ZBTB20: variants seen among roughly 807,000 people sequenced by gnomAD.
The protein encoded by ZBTB20 is zinc finger and BTB domain containing 20.
In ZBTB20, 9 loss-of-function variants were observed where a neutral mutation model predicts 56.9. The observed-to-expected ratio is 0.16, with a 90% CI of 0.10 to 0.28. ZBTB20 has a LOEUF of 0.28. ZBTB20 is among the 10% of genes least tolerant of loss of function. The pLI is 1.00. For missense variants in ZBTB20, 655 were observed against 1,003.0 expected, an observed-to-expected ratio of 0.65 and a Z score of 4.69; for synonymous variants, 417 against 420.7, an observed-to-expected ratio of 0.99 and a Z score of 0.11.
chr3:114,937,515 G>C (rs1003241125), intron 3 of ZBTB20, among the ~76,000 whole-genome samples: 1 of 151,594 alleles, frequency 6.6e-6, no homozygotes, highest in African/African-American at 2.4e-5. Context: ...TCCGGCTCCC[G>C]CGTTCAAGTG....
rs575179777 is a variant in ZBTB20, at chr3:114,542,497, G to A, written c.-294-42106C>T. ...ACCAAGTGAGTAAACAGCTAAGGCAGGATTATCCTCATTTGGGAGGACTCC... is the reference window on the plus strand; with the variant it reads ...ACCAAGTGAGTAAACAGCTAAGGCAAGATTATCCTCATTTGGGAGGACTCC... On this transcript the variant is annotated intron_variant, in intron 6 of 11. Transcript: ENST00000675478. Among the ~76,000 whole-genome samples the A allele has an allele frequency of 1.6e-4, 25 of 152,282 alleles. No homozygotes were observed. The East Asian group carries it at 4.8e-3, about 29-fold the overall frequency.
rs2079301978 is a variant in ZBTB20, at chr3:115,002,694, C to T, written c.-506-28278G>A. 2.0e-5 allele frequency among the ~76,000 whole-genome samples: 3 copies of T among 151,494 alleles called. No homozygotes were observed. The South Asian group carries it at 6.2e-4, about 31-fold the overall frequency. ...TCAAAATACTGGCAACAACAATTGC[C>T]GTCAAGGATGTGGAGAAATACAAAC... On this transcript the variant is annotated intron_variant, in intron 2 of 11. Coordinates refer to ENST00000675478, the MANE Select transcript of ZBTB20 (RefSeq NM_001348800.3).
chr3:114,992,794 A>G (rs565196483), intron 2 of ZBTB20, among the ~76,000 whole-genome samples: 22 of 151,242 alleles, frequency 1.5e-4, no homozygotes, highest in Middle Eastern at 3.4e-3. Flanking sequence ...GTTCTGGGGG[A>G]AAAAAAAACA....
chr3:114,315,349 G>C lies in ZBTB20; in HGVS notation c.*23656C>G, dbSNP rs904202998. On this transcript the variant is annotated 3_prime_UTR_variant, in exon 12 of 12. Coordinates refer to ENST00000675478, the MANE Select transcript of ZBTB20 (RefSeq NM_001348800.3). ...TTTCCAAACTCTTCCTCAATTCCCA[G>C]GTCTTTGTTCTGAAAAGACAATCTG... The C allele has an allele frequency of 8.6e-5, 13 of 152,038 alleles. No individual in the cohort carries two copies. The highest frequency in any genetic ancestry group is 3.1e-4 in the African/African-American group (13 of 41,442). The allele number at this position is 152,038 out of a possible 1,614,324, so 9.4% of individuals were successfully genotyped here.
intron 2 of ZBTB20, among the ~76,000 whole-genome samples, chr3:114,974,923 TA>T (rs942274455): frequency 2.0e-5 from 3 of 151,664 alleles, no homozygotes; most frequent in African/African-American, 7.3e-5. Flanking sequence ...CCAAAGAAAA[TA>T]AAAAGAAAAT....
chr3:114,421,655 C>T (rs531706009), intron 7 of ZBTB20, among the ~76,000 whole-genome samples: 3 of 152,192 alleles, frequency 2.0e-5, no homozygotes, highest in Non-Finnish European at 2.9e-5. Context: ...TCCATTTTAA[C>T]CCCTCACTAT....
chr3:114,360,355 T>G (rs2081701250), intron 10 of ZBTB20, among the ~76,000 whole-genome samples: 1 of 149,150 alleles, frequency 6.7e-6, no homozygotes, highest in Admixed American at 6.6e-5. Flanking sequence ...TTTTTTTTTT[T>G]TTTTTTGAGA....
chr3:114,863,949 T>C (rs1200597692), intron 4 of ZBTB20, among the ~76,000 whole-genome samples: 2 of 151,986 alleles, frequency 1.3e-5, no homozygotes, highest in Non-Finnish European at 2.9e-5. Context: ...AAAATGAAAC[T>C]GAAACGTATC....
intron 6 of ZBTB20, among the ~76,000 whole-genome samples, chr3:114,507,242 G>C (rs2044739978): frequency 6.6e-6 from 1 of 152,114 alleles, no homozygotes; most frequent in Non-Finnish European, 1.5e-5. Context: ...CTGTCCATCA[G>C]CATATAATGA....
chr3:114,661,101 G>C (rs867422992), intron 6 of ZBTB20, among the ~76,000 whole-genome samples: 1 of 152,128 alleles, frequency 6.6e-6, no homozygotes, highest in Non-Finnish European at 1.5e-5. Flanking sequence ...CTGGAGCTAA[G>C]TAGACTGTTC....
chr3:114,317,064 A>G lies in ZBTB20; in HGVS notation c.*21941T>C, dbSNP rs1444850193. The stretch of plus-strand genomic sequence containing the variant: ...TCCACCAACTGACACCAAACTCCCC[A>G]TGGCCCCTGCATGCTCAAACATCAC... On this transcript the variant is annotated 3_prime_UTR_variant, in exon 12 of 12. Transcript: ENST00000675478. 1 of 156,884 alleles carries G rather than the reference A, an allele frequency of 6.4e-6. No homozygotes were observed. Among genetic ancestry groups the G allele is most frequent in the Non-Finnish European group, 1.4e-5 (1 of 70,710 alleles). The allele number at this position is 156,884 out of a possible 1,614,324, so 9.7% of individuals were successfully genotyped here.
chr3:114,459,274 T>A (rs763424084), intron 7 of ZBTB20, among the ~76,000 whole-genome samples: 7 of 152,202 alleles, frequency 4.6e-5, no homozygotes, highest in Non-Finnish European at 8.8e-5. Context: ...CTGTAAAATA[T>A]CATTTAAAGT....
intron 5 of ZBTB20, among the ~76,000 whole-genome samples, chr3:114,768,558 T>A (rs2068946442): frequency 6.6e-6 from 1 of 151,994 alleles, no homozygotes; most frequent in Non-Finnish European, 1.5e-5. Flanking sequence ...AAATAAACAA[T>A]AATAAACTAA....
At chr3:114,630,705 C>T (rs72954506) in intron 6 of ZBTB20, among the ~76,000 whole-genome samples, 3,426 of 152,300 alleles carry the variant, frequency 0.022, 122 homozygotes, top group African/African-American at 0.077. Context: ...CTTTCTGCAA[C>T]GTCTCCCTAC....
In ZBTB20 at chr3:114,553,890, C is replaced by T. The variant is rs75648452; in HGVS notation, c.-294-53499G>A. Among the ~76,000 whole-genome samples the T allele has an allele frequency of 1.3e-3, 204 of 152,238 alleles. 3 individuals carry two copies. The East Asian group carries it at 0.036, about 27-fold the overall frequency. On this transcript the variant is annotated intron_variant, in intron 6 of 11. Transcript: ENST00000675478. ...GTGATATTTATCTTCCTTATAATAG[C>T]ACATTTAAAGTCAGTAACCCTAAAA... is the stretch of plus-strand genomic sequence containing the variant.
intron 3 of ZBTB20, among the ~76,000 whole-genome samples, chr3:114,960,245 A>G (rs775390639): frequency 5.9e-5 from 9 of 152,250 alleles, no homozygotes; most frequent in Non-Finnish European, 1.0e-4. Context: ...TTAGAAATAC[A>G]TATTTTCACA....
rs1431542462 is a variant in ZBTB20, at chr3:114,800,472, G to T, written c.-343+629C>A. On this transcript the variant is annotated intron_variant, in intron 5 of 11. Coordinates refer to ENST00000675478, the MANE Select transcript of ZBTB20 (RefSeq NM_001348800.3). ...CTGACATGCATTTATGGAACAATGG[G>T]GCTCTGAGAGACAGCCTTGTAGCTC... Among the ~76,000 whole-genome samples, 4 of 151,896 alleles carry T rather than the reference G, an allele frequency of 2.6e-5. No homozygotes were observed. In the East Asian group the frequency reaches 5.8e-4, roughly 22 times the overall value.
At position 114,699,745 on chromosome 3, in the gene ZBTB20, A is replaced by C. The variant is rs1045989856; in HGVS notation, c.-342-6170T>G. Among the ~76,000 whole-genome samples the C allele has an allele frequency of 3.3e-5, 5 of 152,098 alleles. No individual in the cohort carries two copies. The South Asian group carries it at 1.0e-3, about 32-fold the overall frequency. ...GATTCAGCAACTTCCTTCAATAAGC[A>C]TTCTGGCAATATGTCAACAAGATCA... On this transcript the variant is annotated intron_variant, in intron 5 of 11. Transcript: ENST00000675478.
At chr3:114,849,470 C>A (rs2074886968) in intron 4 of ZBTB20, among the ~76,000 whole-genome samples, 1 of 152,082 alleles carries the variant, frequency 6.6e-6, no homozygotes, top group Non-Finnish European at 1.5e-5. Flanking sequence ...TGCTTTCTAC[C>A]AATGAGAATA....
Sources: allele counts gnomAD v4.1 joint callset (sites outside exome capture counted in the v4.1 genomes callset), GRCh38; gene constraint gnomAD v4.1.1; transcripts MANE v1.5; gene names NCBI Gene and HGNC (gene_info 2026-07-23, HGNC 2026-07-21).